SGIP1: variants seen among roughly 807,000 people sequenced by gnomAD.
SGIP1 encodes SH3GL interacting endocytic adaptor 1, also known as SH3-containing GRB2-like protein 3-interacting protein 1.
Under a neutral mutation model 107.5 loss-of-function variants are expected in SGIP1, and 38 were observed. The observed-to-expected ratio is 0.35, with a 90% CI of 0.27 to 0.46. The LOEUF is 0.46. Ranked by LOEUF, SGIP1 falls within the 20% of genes least tolerant of loss-of-function variation. SGIP1 has a pLI of 1.00. For missense variants in SGIP1, 929 were observed against 1,019.5 expected (o/e 0.91, Z 1.21); for synonymous variants, 365 against 366.1 (o/e 1.00, Z 0.03).
intron 1 of SGIP1, among the ~76,000 whole-genome samples, chr1:66,610,966 A>G (rs2067879423): frequency 6.6e-6 from 1 of 151,962 alleles, no homozygotes; most frequent in African/African-American, 2.4e-5. Context: ...GATGCAATGG[A>G]CTTTGGAAAC....
At position 66,608,987 on chromosome 1, in the gene SGIP1, T is replaced by TGGTCACTTACATCCCACAGGGATGAA. The variant is rs1558056235; in HGVS notation, c.11-16851_11-16850insCATCCCACAGGGATGAAGGTCACTTA. On this transcript the variant is annotated intron_variant, in intron 1 of 24. Coordinates refer to ENST00000371037, the MANE Select transcript of SGIP1 (RefSeq NM_032291.4). ...AGTCTTAATTTAAAAGCTCCTGGTT[T>TGGTCACTTACATCCCACAGGGATGAA]GGTCACTTATATCCCACAGGGATGA... is the stretch of plus-strand genomic sequence containing the variant. Among the ~76,000 whole-genome samples the TGGTCACTTACATCCCACAGGGATGAA allele has an allele frequency of 1.1e-4, 15 of 139,416 alleles. 1 individual carries two copies. The highest frequency in any genetic ancestry group is 7.3e-4 in the Admixed American group (10 of 13,632). 91.5% of individuals were successfully genotyped at this position (139,416 alleles called of 152,430 possible).
chr1:66,738,578 G>T (rs548209713), intron 21 of SGIP1, among the ~76,000 whole-genome samples: 1 of 152,100 alleles, frequency 6.6e-6, no homozygotes, highest in African/African-American at 2.4e-5. Flanking sequence ...GCTTTTTCTT[G>T]GTCAAGCTCA....
chr1:66,597,442 C>A (rs888747440), intron 1 of SGIP1, among the ~76,000 whole-genome samples: 3 of 152,128 alleles, frequency 2.0e-5, no homozygotes, highest in African/African-American at 7.2e-5. Flanking sequence ...AATAACTAAG[C>A]AAAAGTGAGA....
chr1:66,586,477 A>G (rs1372575080), intron 1 of SGIP1, among the ~76,000 whole-genome samples: 1 of 152,058 alleles, frequency 6.6e-6, no homozygotes, highest in Non-Finnish European at 1.5e-5. Flanking sequence ...AGTGTATCTC[A>G]TTGCATAGAA....
chr1:66,720,988 G>A (rs375886070), intron 19 of SGIP1, among the ~76,000 whole-genome samples: 2 of 152,108 alleles, frequency 1.3e-5, no homozygotes, highest in East Asian at 3.9e-4. Flanking sequence ...CCACCTTTAA[G>A]TGTACTAGCC....
At chr1:66,597,232 C>T (rs2064884171) in intron 1 of SGIP1, among the ~76,000 whole-genome samples, 1 of 152,188 alleles carries the variant, frequency 6.6e-6, no homozygotes, top group Non-Finnish European at 1.5e-5. Flanking sequence ...TGAAGTAGGC[C>T]CCAATGTCTA....
chr1:66,660,246 AGGG>A lies in SGIP1; in HGVS notation c.460-266_460-264del, dbSNP rs1161692832. 6.9e-5 allele frequency: 28 copies of A among 403,464 alleles called. 2 individuals are homozygous for A. Among genetic ancestry groups the A allele is most frequent in the East Asian group, 3.1e-4 (7 of 22,432 alleles). The allele number at this position is 403,464 out of a possible 1,614,324, so 25.0% of individuals were successfully genotyped here. A position where few individuals can be genotyped will look rare whatever the true frequency, so the allele number is the denominator to read the frequency against. ...GAAAGAAAGAGGGAGGGAGGGAGGG[AGGG>A]AGGAAGGAAGGGAGGAAAGAGCAAG... On this transcript the variant is annotated intron_variant, in intron 7 of 24. Coordinates refer to ENST00000371037, the MANE Select transcript of SGIP1 (RefSeq NM_032291.4).
chr1:66,621,145 A>T (rs1440471845), intron 1 of SGIP1, among the ~76,000 whole-genome samples: 1 of 152,186 alleles, frequency 6.6e-6, no homozygotes, highest in East Asian at 1.9e-4. Context: ...CTTTTTGCAA[A>T]CTTCTGATAC....
In SGIP1 at chr1:66,605,197, T is replaced by C. The variant is rs147770466; in HGVS notation, c.11-20650T>C. Reference sequence around the variant, plus strand: ...GTCACTGTCTTCTTCTTATTTAGTGTTATTTACAAATAGCAAATATTTTTA... The same window carrying C: ...GTCACTGTCTTCTTCTTATTTAGTGCTATTTACAAATAGCAAATATTTTTA... On this transcript the variant is annotated intron_variant, in intron 1 of 24. Transcript: ENST00000371037. 2.3e-3 allele frequency among the ~76,000 whole-genome samples: 348 copies of C among 152,298 alleles called. 1 individual carries two copies. Among genetic ancestry groups the C allele is most frequent in the African/African-American group, 8.2e-3 (341 of 41,552 alleles).
At chr1:66,667,199 G>A (rs1197115065) in intron 8 of SGIP1, among the ~76,000 whole-genome samples, 1 of 151,932 alleles carries the variant, frequency 6.6e-6, no homozygotes, top group Non-Finnish European at 1.5e-5. Flanking sequence ...AAACTATCTG[G>A]AGAAAAACTT....
intron 1 of SGIP1, among the ~76,000 whole-genome samples, chr1:66,610,788 A>T (rs1428820740): frequency 1.3e-5 from 2 of 152,146 alleles, no homozygotes; most frequent in African/African-American, 2.4e-5. Context: ...TCAATTTCTC[A>T]AAAATATTTA....
rs76450637 is a variant in SGIP1 at position 66,544,150 on chromosome 1, A to G, written c.10+9782A>G. On this transcript the variant is annotated intron_variant, in intron 1 of 24. Coordinates refer to ENST00000371037, the MANE Select transcript of SGIP1 (RefSeq NM_032291.4). ...ATTTCTTTCTCCTCTTCACCATACT[A>G]TTAAGTTACAAGCATACTCTATCAT... is the stretch of plus-strand genomic sequence containing the variant. Among the ~76,000 whole-genome samples, 1,433 of 152,194 alleles carry G rather than the reference A, an allele frequency of 9.4e-3. 25 individuals carry two copies. Among genetic ancestry groups the G allele is most frequent in the African/African-American group, 0.033 (1,358 of 41,510 alleles).
At chr1:66,679,288 G>A (rs12043460) in intron 13 of SGIP1, among the ~76,000 whole-genome samples, 40,288 of 152,054 alleles carry the variant, frequency 0.26, 7,042 homozygotes, top group East Asian at 0.79. Context: ...AACTGTCAGC[G>A]GACATGATTT....
intron 1 of SGIP1, among the ~76,000 whole-genome samples, chr1:66,623,668 T>TGATGTTTTAA (rs2071805627): frequency 6.6e-6 from 1 of 152,234 alleles, no homozygotes; most frequent in African/African-American, 2.4e-5. Flanking sequence ...GTTAAAAACA[T>TGATGTTTTAA]CATTTCCAGT....
intron 1 of SGIP1, among the ~76,000 whole-genome samples, chr1:66,589,254 A>T (rs2063222869): frequency 7.5e-6 from 1 of 133,970 alleles, no homozygotes; most frequent in Admixed American, 7.8e-5. Context: ...AAGGATTCAG[A>T]AATTTCTCAT....
chr1:66,745,223 G>A lies in SGIP1; in HGVS notation c.*2128G>A, dbSNP rs776927490. 3 of 151,640 alleles carry A rather than the reference G, an allele frequency of 2.0e-5. No individual in the cohort carries two copies. The highest frequency in any genetic ancestry group is 4.4e-5 in the Non-Finnish European group (3 of 67,820). 9.4% of individuals were successfully genotyped at this position (151,640 alleles called of 1,614,324 possible). On this transcript the variant is annotated 3_prime_UTR_variant, in exon 25 of 25. Transcript: ENST00000371037. ...TTTTAAAAATTTAATTAAAAACATA[G>A]ATTACAGTAATCTCTAACATTATTC...
At chr1:66,618,298 G>A (rs7546090) in intron 1 of SGIP1, among the ~76,000 whole-genome samples, 52,769 of 152,026 alleles carry the variant, frequency 0.35, 9,422 homozygotes, top group Admixed American at 0.41. Flanking sequence ...TATAGTTTGG[G>A]GCTCCTTCTC....
At chr1:66,624,635 A>C (rs544398737) in intron 1 of SGIP1, among the ~76,000 whole-genome samples, 22 of 152,300 alleles carry the variant, frequency 1.4e-4, no homozygotes, top group African/African-American at 4.3e-4. Context: ...TTTTGGAAAA[A>C]TGTATCATCA....
chr1:66,538,623 A>G (rs187827394), intron 1 of SGIP1, among the ~76,000 whole-genome samples: 21 of 152,302 alleles, frequency 1.4e-4, no homozygotes, highest in Admixed American at 1.3e-4. Context: ...CACAATTTTT[A>G]TGTTCCTGAA....
Sources: gnomAD v4.1 joint callset for allele counts (sites outside exome capture counted in the v4.1 genomes callset) on GRCh38, gnomAD v4.1.1 for gene constraint, MANE v1.5 for transcripts, NCBI Gene and HGNC (gene_info 2026-07-23, HGNC 2026-07-21) for gene names.